PDCD7: variants seen among roughly 807,000 people sequenced by gnomAD.
The protein encoded by PDCD7 is programmed cell death 7.
Under a neutral mutation model 42.1 loss-of-function variants are expected in PDCD7, and 40 were observed. The observed-to-expected ratio is 0.95, with a 90% CI of 0.74 to 1.24. PDCD7 has a LOEUF of 1.24. Ranked by LOEUF, PDCD7 falls within the 50% of genes most tolerant of loss-of-function variation. The probability of loss-of-function intolerance (pLI) is 0.00; values close to 1 mark genes in which losing one functional copy is unlikely to be tolerated. For synonymous variants in PDCD7, 299 were observed against 303.3 expected (o/e 0.99, Z 0.15); for missense variants, 644 against 662.8 (o/e 0.97, Z 0.31).
In PDCD7 at chr15:65,119,790, T is replaced by C; in HGVS notation, c.1174A>G (p.Lys392Glu). The C allele has an allele frequency of 6.2e-7, 1 of 1,612,598 alleles. No individual in the cohort carries two copies. Among genetic ancestry groups the C allele is most frequent in the African/African-American group, 1.3e-5 (1 of 74,876 alleles). The change falls in exon 3 of 5, where the codon AAA becomes GAA. Residue 392 changes from lysine to glutamate, a missense_variant. Coordinates refer to ENST00000204549, the MANE Select transcript of PDCD7 (RefSeq NM_005707.2). ...ATTTTCTCTTTTTCTTTTCTTTGTT[T>C]CTTTTCTAATTCTCTTTTCCTCTCT... is the stretch of plus-strand genomic sequence containing the variant. The part of the protein sequence containing the change: ...EEERKRELEK[K>E]QRKEKEKILL...
At chr15:65,126,536 T>A (rs766288332) in intron 2 of PDCD7, among the ~76,000 whole-genome samples, 1 of 152,124 alleles carries the variant, frequency 6.6e-6, no homozygotes, top group Non-Finnish European at 1.5e-5. Context: ...GGAGAATCGC[T>A]TGAGCCCAGG....
chr15:65,119,519 C>G, intron 3 of PDCD7, 56 bp from the exon 4 acceptor site: 1 of 1,375,412 alleles, frequency 7.3e-7, no homozygotes, highest in Non-Finnish European at 1.0e-6. Context: ...CAGTGTATTT[C>G]TCAAGGCAAG....
chr15:65,127,328 G>A (rs893031538), intron 2 of PDCD7, among the ~76,000 whole-genome samples: 2 of 151,736 alleles, frequency 1.3e-5, no homozygotes, highest in Admixed American at 6.6e-5. Flanking sequence ...GCGGTGGTGG[G>A]CGCCTGTAGT....
Position 65,118,745 on chromosome 15 carries a change from A to G in PDCD7, c.1430T>C (p.Ile477Thr). The G allele has an allele frequency of 6.2e-7, 1 of 1,609,618 alleles. No individual in the cohort carries two copies. Among genetic ancestry groups the G allele is most frequent in the South Asian group, 1.1e-5 (1 of 89,788 alleles). The part of the protein sequence containing the change: ...WVLPPLPSND[I>T]WATAVKLH Reference sequence around the variant, plus strand: ...ATGCAGCTTAACAGCAGTTGCCCAGATGTCGTTGCTGGGGAGCGGGGGAAG... The same window carrying G: ...ATGCAGCTTAACAGCAGTTGCCCAGGTGTCGTTGCTGGGGAGCGGGGGAAG... The change falls in exon 5 of 5, where the codon ATC becomes ACC. Residue 477 changes from isoleucine (I) to threonine (T), a missense_variant. By Grantham distance (89) the Ile-to-Thr change is moderately conservative. Transcript: ENST00000204549.
At position 65,133,668 on chromosome 15, in the gene PDCD7, C is replaced by T. The variant is rs2087563818; in HGVS notation, c.114G>A (p.Pro38=). Residue 38 remains proline, a synonymous_variant, in exon 1 of 5, where the codon CCG becomes CCA. Coordinates refer to ENST00000204549, the MANE Select transcript of PDCD7 (RefSeq NM_005707.2). ...PPPPLPSPAF[P]PPLPQRPGPF... is the part of the protein sequence containing the mutation. ...GGCCGGGCCGCTGGGGGAGAGGCGG[C>T]GGGAAAGCCGGGGAGGGCAGCGGCG... 2.4e-6 allele frequency: 3 copies of T among 1,264,686 alleles called. No individual in the cohort carries two copies. The highest frequency in any genetic ancestry group is 4.2e-5 in the Admixed American group (1 of 23,940). The allele number at this position is 1,264,686 out of a possible 1,614,324, so 78.3% of individuals were successfully genotyped here.
In PDCD7 at chr15:65,119,928, C is replaced by A; in HGVS notation, c.1036G>T (p.Glu346Ter). 6.2e-7 allele frequency: 1 copy of A among 1,613,962 alleles called. No individual in the cohort carries two copies. Among genetic ancestry groups the A allele is most frequent in the Non-Finnish European group, 8.5e-7 (1 of 1,179,990 alleles). Residue 346 changes from glutamate (E) to a stop codon, truncating the protein, a stop_gained, in exon 3 of 5, where the codon GAG (glutamate) becomes TAG (stop). Coordinates refer to ENST00000204549, the MANE Select transcript of PDCD7 (RefSeq NM_005707.2). LOFTEE classifies it high-confidence loss of function. ...CGCTGAAGATGATGCGTAAAAGTCT[C>A]ATCTGCTGAGGCTGGAGGACAGACC... ...KGVCPPASAD[E>*]TFTHHLQRLR...
chr15:65,127,912 G>A (rs1157730340), intron 2 of PDCD7, among the ~76,000 whole-genome samples: 4 of 152,192 alleles, frequency 2.6e-5, no homozygotes, highest in Admixed American at 2.0e-4. Context: ...GGTAGACAAA[G>A]CAGATGCTAA....
chr15:65,124,679 T>C (rs966249295), intron 2 of PDCD7, among the ~76,000 whole-genome samples: 4 of 152,194 alleles, frequency 2.6e-5, no homozygotes, highest in African/African-American at 7.2e-5. Flanking sequence ...TATTCTCTTA[T>C]CCAACTACAA....
chr15:65,126,424 TA>T (rs1415722504), intron 2 of PDCD7, among the ~76,000 whole-genome samples: 1 of 152,118 alleles, frequency 6.6e-6, no homozygotes, highest in African/African-American at 2.4e-5. Flanking sequence ...TTGTCAACCC[TA>T]AACCTGTTCC....
At position 65,133,795 on chromosome 15, in the gene PDCD7, A is replaced by G; in HGVS notation, c.-14T>C. 7.4e-7 allele frequency: 1 copy of G among 1,360,530 alleles called. No individual in the cohort carries two copies. The highest frequency in any genetic ancestry group is 9.5e-7 in the Non-Finnish European group (1 of 1,055,408). The allele number at this position is 1,360,530 out of a possible 1,614,324, so 84.3% of individuals were successfully genotyped here. On this transcript the variant is annotated 5_prime_UTR_variant, in exon 1 of 5. Transcript: ENST00000204549. ...TGGCAGGGCCATGTTCACGACGGAG[A>G]TGCTTTGAGAAGTGACAGGAATCTG...
At position 65,133,632 on chromosome 15, in the gene PDCD7, C is replaced by T; in HGVS notation, c.150G>A (p.Gly50=). The part of the protein sequence containing the change: ...PLPQRPGPFP[G]ASAPFLQPPL... Reference sequence around the variant, plus strand: ...GAGGCTGAAGGAAGGGGGCGGAGGCCCCCGGAAAAGGGCCGGGCCGCTGGG... The same window carrying T: ...GAGGCTGAAGGAAGGGGGCGGAGGCTCCCGGAAAAGGGCCGGGCCGCTGGG... The change falls in exon 1 of 5, where the codon GGG becomes GGA. Residue 50 remains glycine (G), a synonymous_variant. Coordinates refer to ENST00000204549, the MANE Select transcript of PDCD7 (RefSeq NM_005707.2). 8.0e-7 allele frequency: 1 copy of T among 1,252,574 alleles called. No homozygotes were observed. Among genetic ancestry groups the T allele is most frequent in the Non-Finnish European group, 1.0e-6 (1 of 995,470 alleles). The allele number at this position is 1,252,574 out of a possible 1,614,324, so 77.6% of individuals were successfully genotyped here. A position where few individuals can be genotyped will look rare whatever the true frequency, so the allele number is the denominator to read the frequency against.
chr15:65,124,566 T>C (rs1258383990), intron 2 of PDCD7, among the ~76,000 whole-genome samples: 1 of 152,180 alleles, frequency 6.6e-6, no homozygotes, highest in African/African-American at 2.4e-5. Flanking sequence ...CACCAATGCC[T>C]TTGCCTCTAT....
Position 65,117,470 on chromosome 15 carries a change from T to A in PDCD7, c.*1247A>T, listed in dbSNP as rs1023243041. 22 of 151,878 alleles carry A rather than the reference T, an allele frequency of 1.4e-4. No homozygotes were observed. The highest frequency in any genetic ancestry group is 5.3e-4 in the African/African-American group (22 of 41,372). 9.4% of individuals were successfully genotyped at this position (151,878 alleles called of 1,614,324 possible). The stretch of plus-strand genomic sequence containing the variant: ...CCAAAACAGAACCAAAAAAATGACA[T>A]GTTATATGAGTGATCATCTCCAAGC... On this transcript the variant is annotated 3_prime_UTR_variant, in exon 5 of 5. Coordinates refer to ENST00000204549, the MANE Select transcript of PDCD7 (RefSeq NM_005707.2).
chr15:65,130,190 C>T (rs1008701767), intron 1 of PDCD7, among the ~76,000 whole-genome samples: 3 of 131,702 alleles, frequency 2.3e-5, no homozygotes, highest in African/African-American at 5.8e-5. Context: ...GATGGAGTCT[C>T]GCTGTTGTCC....
At chr15:65,130,369 G>A (rs970326729) in intron 1 of PDCD7, among the ~76,000 whole-genome samples, 1 of 151,904 alleles carries the variant, frequency 6.6e-6, no homozygotes, top group African/African-American at 2.4e-5. Context: ...CGTTGGCCAG[G>A]CTGGTCCCGA....
intron 2 of PDCD7, among the ~76,000 whole-genome samples, chr15:65,124,689 A>G (rs1446383285): frequency 6.6e-6 from 1 of 151,904 alleles, no homozygotes; most frequent in Non-Finnish European, 1.5e-5. Context: ...TCCAACTACA[A>G]CTTTCTCCCT....
At chr15:65,128,153 T>TA (rs1348097400) in intron 2 of PDCD7, among the ~76,000 whole-genome samples, 1 of 152,246 alleles carries the variant, frequency 6.6e-6, no homozygotes, top group African/African-American at 2.4e-5. Flanking sequence ...AATCATTTGT[T>TA]AGAGTGGCAT....
chr15:65,127,273 A>C (rs940450883), intron 2 of PDCD7, among the ~76,000 whole-genome samples: 43 of 151,984 alleles, frequency 2.8e-4, no homozygotes, highest in African/African-American at 9.7e-4. Context: ...CTGGCTAACA[A>C]GGTGAAACCC....
chr15:65,127,118 T>G (rs1003215084), intron 2 of PDCD7, among the ~76,000 whole-genome samples: 5 of 152,186 alleles, frequency 3.3e-5, no homozygotes, highest in African/African-American at 1.2e-4. Context: ...GCTCCAAAAC[T>G]TTCTCTGCTC....
Sources: allele counts gnomAD v4.1 joint callset (sites outside exome capture counted in the v4.1 genomes callset), GRCh38; gene constraint gnomAD v4.1.1; transcripts MANE v1.5; gene names NCBI Gene and HGNC (gene_info 2026-07-23, HGNC 2026-07-21).